Variants in ICA1 observed in about 807,000 individuals in gnomAD.
ICA1 encodes the protein islet cell autoantigen 1, also known as 69 kDa islet cell autoantigen.
In ICA1, 40 loss-of-function variants were observed where a neutral mutation model predicts 71.0. That is an observed-to-expected ratio of 0.56 (90% confidence interval 0.44 to 0.73). The LOEUF (loss-of-function observed/expected upper bound fraction) is 0.73. ICA1 is among the 30% of genes least tolerant of loss of function. The pLI, the probability that ICA1 is intolerant of heterozygous loss-of-function variation, is 0.00. For missense variants in ICA1, 578 were observed against 576.5 expected, an observed-to-expected ratio of 1.00 and a Z score of -0.03; for synonymous variants, 207 against 209.5, an observed-to-expected ratio of 0.99 and a Z score of 0.10.
chr7:8,185,764 C>G (rs1255747758), intron 6 of ICA1, among the ~76,000 whole-genome samples: 1 of 152,156 alleles, frequency 6.6e-6, no homozygotes, highest in African/African-American at 2.4e-5. Context: ...AACAGAGACA[C>G]AGTATTTCAA....
At chr7:8,152,977 C>A (rs1195961594) in intron 8 of ICA1, among the ~76,000 whole-genome samples, 3 of 152,088 alleles carry the variant, frequency 2.0e-5, no homozygotes, top group Non-Finnish European at 2.9e-5. Context: ...TCCATCACCA[C>A]TACCACCAGC....
At chr7:8,230,146 A>G (rs1485355399) in intron 3 of ICA1, among the ~76,000 whole-genome samples, 3 of 152,232 alleles carry the variant, frequency 2.0e-5, no homozygotes, top group Admixed American at 2.0e-4. Context: ...TGACTCTGGC[A>G]AGAAGACTTC....
chr7:8,212,460 G>C (rs1323342109), intron 6 of ICA1, among the ~76,000 whole-genome samples: 1 of 148,256 alleles, frequency 6.7e-6, no homozygotes, highest in African/African-American at 2.5e-5. Flanking sequence ...GGCTACTCAG[G>C]AAGCTGGGGC....
At chr7:8,241,476 AGACCATC>A (rs1389395328) in intron 1 of ICA1, among the ~76,000 whole-genome samples, 1 of 152,250 alleles carries the variant, frequency 6.6e-6, no homozygotes, top group African/African-American at 2.4e-5. Context: ...CAAATTGTAA[AGACCATC>A]GATGCTAGGA....
At chr7:8,199,613 C>G (rs1788863858) in intron 6 of ICA1, among the ~76,000 whole-genome samples, 5 of 152,200 alleles carry the variant, frequency 3.3e-5, no homozygotes, top group Admixed American at 3.3e-4. Flanking sequence ...ACTCAGGAGG[C>G]TGAGGCAGGA....
intron 4 of ICA1, among the ~76,000 whole-genome samples, chr7:8,224,619 T>G (rs1459866071): frequency 6.6e-6 from 1 of 152,196 alleles, no homozygotes; most frequent in Non-Finnish European, 1.5e-5. Flanking sequence ...TAATCAACAT[T>G]AGGAAATTAA....
chr7:8,215,871 TC>T (rs759761110), intron 6 of ICA1, among the ~76,000 whole-genome samples: 1 of 152,202 alleles, frequency 6.6e-6, no homozygotes, highest in Non-Finnish European at 1.5e-5. Flanking sequence ...TGGATAGCTC[TC>T]CTAGATGACT....
chr7:8,235,715 G>C (rs1162782604), intron 2 of ICA1, among the ~76,000 whole-genome samples, 195 bp downstream of exon 2: 1 of 152,180 alleles, frequency 6.6e-6, no homozygotes, highest in African/African-American at 2.4e-5. Context: ...CATTAGGTAA[G>C]AATTTACAAT....
At chr7:8,187,783 A>G (rs561366262) in intron 6 of ICA1, among the ~76,000 whole-genome samples, 8 of 152,300 alleles carry the variant, frequency 5.3e-5, no homozygotes, top group African/African-American at 1.4e-4. Context: ...TTCTTTGTTA[A>G]AAACTAAGAC....
At position 8,141,874 on chromosome 7, in the gene ICA1, C is replaced by A. The variant is rs6953553; in HGVS notation, c.903-57G>T. ...TTCTACCAATGTTATATTTATGATA[C>A]AGCCAGACTTTCAGTACAATATTAC... On this transcript the variant is annotated intron_variant, in intron 9 of 13. Coordinates refer to ENST00000402384, the MANE Select transcript of ICA1 (RefSeq NM_001136020.3). 2,215 of 1,377,896 alleles carry A rather than the reference C, an allele frequency of 1.6e-3. 33 individuals carry two copies. The African/African-American group carries it at 0.028, about 17-fold the overall frequency. 85.4% of individuals were successfully genotyped at this position (1,377,896 alleles called of 1,614,324 possible).
chr7:8,157,583 T>C (rs1463765446), intron 7 of ICA1: 2 of 221,092 alleles, frequency 9.0e-6, no homozygotes, highest in African/African-American at 2.3e-5. Flanking sequence ...TTCTTAGAAC[T>C]TATTTCACTT....
intron 1 of ICA1, 140 bp from the exon 2 acceptor site, chr7:8,236,145 C>T (rs895216725): frequency 1.5e-5 from 7 of 477,536 alleles, no homozygotes; most frequent in Non-Finnish European, 2.2e-5. Flanking sequence ...ATGCTGCACA[C>T]TGGTGATGAC....
chr7:8,258,559 G>C (rs1458969015), intron 1 of ICA1, among the ~76,000 whole-genome samples: 2 of 152,198 alleles, frequency 1.3e-5, no homozygotes, highest in African/African-American at 4.8e-5. Context: ...ATACGGCCAA[G>C]TTGACATAAT....
At chr7:8,125,675 C>T (rs182448147) in intron 13 of ICA1, among the ~76,000 whole-genome samples, 3 of 152,324 alleles carry the variant, frequency 2.0e-5, no homozygotes, top group Admixed American at 6.5e-5. Context: ...GGACAGCAGA[C>T]AGCCTTGTCT....
chr7:8,223,125 C>A lies in ICA1; in HGVS notation c.257-1727G>T, dbSNP rs559948364. Among the ~76,000 whole-genome samples, 4 of 152,238 alleles carry A rather than the reference C, an allele frequency of 2.6e-5. No homozygotes were observed. The highest frequency in any genetic ancestry group is 1.3e-4 in the Admixed American group (2 of 15,288). On this transcript the variant is annotated intron_variant, in intron 4 of 13. Transcript: ENST00000402384. The surrounding 1 kb of genome is among the most constrained non-coding windows in gnomAD (Gnocchi z 4.1). ...TAAGAAGGTTTTTTGTTTTTTAATA[C>A]ATTCCATTCCTTCTCCTCCCCACTG...
At chr7:8,158,101 T>C (rs985013049) in intron 7 of ICA1, among the ~76,000 whole-genome samples, 2 of 152,160 alleles carry the variant, frequency 1.3e-5, no homozygotes, top group African/African-American at 4.8e-5. Context: ...TCAGAGGCTA[T>C]CAGGGGAAAC....
At chr7:8,221,666 T>C (rs187353949) in intron 4 of ICA1, among the ~76,000 whole-genome samples, 1 of 152,282 alleles carries the variant, frequency 6.6e-6, no homozygotes, top group East Asian at 1.9e-4. Context: ...AAATGACCTC[T>C]GTACTGAAAC....
At chr7:8,168,593 T>C in intron 6 of ICA1, among the ~76,000 whole-genome samples, 1 of 152,164 alleles carries the variant, frequency 6.6e-6, no homozygotes, top group East Asian at 1.9e-4. Context: ...ACAATGTTGA[T>C]CTTATCAGTT....
intron 13 of ICA1, 34 bp from the exon 14 acceptor site, chr7:8,114,078 C>A: frequency 6.2e-7 from 1 of 1,613,700 alleles, no homozygotes; most frequent in African/African-American, 1.3e-5. Context: ...AGCAAACGCA[C>A]CTTCCAAATG....
Sources: gnomAD v4.1 joint callset for allele counts (sites outside exome capture counted in the v4.1 genomes callset) on GRCh38, gnomAD v4.1.1 for gene constraint, Gnocchi (gnomAD v3.1) non-coding constraint, MANE v1.5 for transcripts, NCBI Gene and HGNC (gene_info 2026-07-23, HGNC 2026-07-21) for gene names.